Variants in PRCD observed in about 807,000 individuals in gnomAD.
The protein encoded by PRCD is photoreceptor disc component, also known as photoreceptor disk component PRCD.
PRCD carries 12 observed loss-of-function variants against 10.1 expected under a neutral mutation model. The ratio of observed to expected loss-of-function variants is 1.18; its 90% CI spans 0.76 to 1.92. The LOEUF (loss-of-function observed/expected upper bound fraction) is 1.92. Among genes scored for constraint, PRCD ranks in the 40% most tolerant of loss-of-function variants. The pLI, the probability that PRCD is intolerant of heterozygous loss-of-function variation, is 0.00. For missense variants in PRCD, 61 were observed against 72.2 expected (o/e 0.84, Z 0.56); for synonymous variants, 31 against 26.2 (o/e 1.18, Z -0.56).
chr17:76,534,755 C>T (rs1010741009), intron 1 of PRCD, among the ~76,000 whole-genome samples: 2 of 152,190 alleles, frequency 1.3e-5, no homozygotes, highest in African/African-American at 2.4e-5. Flanking sequence ...GCCAGGGGAT[C>T]GTGGCCTGGT....
chr17:76,550,657 T>C (rs930487143), intron 1 of PRCD: 1 of 152,232 alleles, frequency 6.6e-6, no homozygotes, highest in African/African-American at 2.4e-5. Flanking sequence ...GAACCATACA[T>C]TGTAAATGGT....
At chr17:76,541,340 CAA>C (rs1567911672) in intron 2 of PRCD, among the ~76,000 whole-genome samples, 2 of 152,242 alleles carry the variant, frequency 1.3e-5, no homozygotes, top group East Asian at 3.9e-4. Flanking sequence ...CCCAGTGAAA[CAA>C]AGAGTAAAAA....
downstream of PRCD, chr17:76,546,459 T>TGA: frequency 6.6e-6 from 1 of 150,562 alleles, no homozygotes; most frequent in African/African-American, 2.5e-5. This position sits in a 1 kb window ranked among gnomAD's most constrained non-coding sequence, Gnocchi z 4.5. Context: ...TTTGTGTGTG[T>TGA]GTGTGTGTGT....
At chr17:76,534,384 G>A (rs923791680) in intron 1 of PRCD, among the ~76,000 whole-genome samples, 1 of 152,138 alleles carries the variant, frequency 6.6e-6, no homozygotes, top group African/African-American at 2.4e-5. Context: ...TCGCCATGCT[G>A]GCCAGGCTGG....
At chr17:76,532,605 C>T (rs1054394051) in intron 1 of PRCD, among the ~76,000 whole-genome samples, 24 of 148,472 alleles carry the variant, frequency 1.6e-4, no homozygotes, top group Non-Finnish European at 1.2e-4. Context: ...AATCTTGGCT[C>T]GCTGCAACCT....
downstream of PRCD, chr17:76,546,878 A>T (rs1483148768): frequency 6.6e-6 from 1 of 152,224 alleles, no homozygotes; most frequent in African/African-American, 2.4e-5. This position sits in a 1 kb window ranked among gnomAD's most constrained non-coding sequence, Gnocchi z 4.5. Flanking sequence ...AGGTTCACAG[A>T]ACTTGCTCAA....
At chr17:76,529,452 G>T in intron 1 of PRCD, 1 of 985,466 alleles carries the variant, frequency 1.0e-6, no homozygotes, top group South Asian at 4.7e-5. Flanking sequence ...GGGCAGGGTG[G>T]GGAGGGCAGG....
Position 76,528,461 on chromosome 17 carries a change from T to A in PRCD, n.45+628T>A, listed in dbSNP as rs902444184. 2 of 995,146 alleles carry A rather than the reference T, an allele frequency of 2.0e-6. No individual in the cohort carries two copies. Among genetic ancestry groups the A allele is most frequent in the Admixed American group, 4.3e-5 (1 of 23,344 alleles). The allele number at this position is 995,146 out of a possible 1,614,324, so 61.6% of individuals were successfully genotyped here. A position where few individuals can be genotyped will look rare whatever the true frequency, so the allele number is the denominator to read the frequency against. On this transcript the variant is annotated intron_variant and non_coding_transcript_variant, in intron 1 of 4. Transcript: ENST00000397633. This position sits in a 1 kb window ranked among gnomAD's most constrained non-coding sequence, Gnocchi z 5.8. ...GCCACAGAGGCCTCCTTCGGGGAAG[T>A]TGAGTCAGGGATTCCTCCAGCTTCC...
rs1221931456 is a variant in PRCD, at chr17:76,540,653, G to A, written c.143+80G>A. The A allele has an allele frequency of 1.4e-6, 2 of 1,404,886 alleles. No homozygotes were observed. The highest frequency in any genetic ancestry group is 3.5e-5 in the Admixed American group (2 of 56,840). The allele number at this position is 1,404,886 out of a possible 1,614,324, so 87.0% of individuals were successfully genotyped here. A position where few individuals can be genotyped will look rare whatever the true frequency, so the allele number is the denominator to read the frequency against. On this transcript the variant is annotated intron_variant, in intron 2 of 4. Coordinates refer to ENST00000592014, the MANE Select transcript of PRCD (RefSeq NM_001077620.3). This position sits in a 1 kb window ranked among gnomAD's most constrained non-coding sequence, Gnocchi z 5.0. Reference sequence around the variant, plus strand: ...TGTGCATGCCTGGGGGTGCACGTGTGTGCCTGTGCGCGCCTGTGCGTGCAC... The same window carrying A: ...TGTGCATGCCTGGGGGTGCACGTGTATGCCTGTGCGCGCCTGTGCGTGCAC...
chr17:76,541,311 G>A (rs529554847), intron 2 of PRCD, among the ~76,000 whole-genome samples: 1 of 152,326 alleles, frequency 6.6e-6, no homozygotes, highest in African/African-American at 2.4e-5. Flanking sequence ...AGACCTGTCT[G>A]AAGAGTGACT....
At position 76,528,784 on chromosome 17, in the gene PRCD, C is replaced by T. The variant is rs549032633; in HGVS notation, n.45+951C>T. On this transcript the variant is annotated intron_variant and non_coding_transcript_variant, in intron 1 of 4. Coordinates refer to the PRCD transcript ENST00000397633. The surrounding 1 kb of genome is among the most constrained non-coding windows in gnomAD (Gnocchi z 5.8). The stretch of plus-strand genomic sequence containing the variant: ...GTTCTAGTCTCCGTCCTGCTACGAA[C>T]GTGCTGTGTGATCTCAGGCAAGTCT... 14 of 1,016,450 alleles carry T rather than the reference C, an allele frequency of 1.4e-5. No homozygotes were observed. The Admixed American group carries it at 1.7e-4, about 12-fold the overall frequency. The allele number at this position is 1,016,450 out of a possible 1,614,324, so 63.0% of individuals were successfully genotyped here. A position where few individuals can be genotyped will look rare whatever the true frequency, so the allele number is the denominator to read the frequency against.
In PRCD at chr17:76,544,651, G is replaced by A; in HGVS notation, c.*1001G>A. On this transcript the variant is annotated 3_prime_UTR_variant, in exon 5 of 5. Coordinates refer to ENST00000592014, the MANE Select transcript of PRCD (RefSeq NM_001077620.3). ...CTCCTGTCAGCCTGTCTCTCTCTTTGGAGGCATCGGCCTTCCTGGTGACAG... is the reference window on the plus strand; with the variant it reads ...CTCCTGTCAGCCTGTCTCTCTCTTTAGAGGCATCGGCCTTCCTGGTGACAG... 2.2e-6 allele frequency: 1 copy of A among 456,782 alleles called. No homozygotes were observed. The highest frequency in any genetic ancestry group is 4.4e-6 in the Non-Finnish European group (1 of 226,980). The allele number at this position is 456,782 out of a possible 1,614,324, so 28.3% of individuals were successfully genotyped here.
chr17:76,527,635 C>G (rs1431675041), upstream of PRCD: 2 of 453,690 alleles, frequency 4.4e-6, no homozygotes, highest in Non-Finnish European at 8.8e-6. Context: ...GGGGAAAGCC[C>G]TCGGCCCTCG....
Position 76,540,377 on chromosome 17 carries a change from G to A in PRCD, c.75-128G>A. Reference sequence around the variant, plus strand: ...AGAGAGCACAGTCTCAGAGCAGGGGGACTTAGAGCTTCAAAGGCTCTAGTT... The same window carrying A: ...AGAGAGCACAGTCTCAGAGCAGGGGAACTTAGAGCTTCAAAGGCTCTAGTT... On this transcript the variant is annotated intron_variant, in intron 1 of 4. Transcript: ENST00000592014. This position sits in a 1 kb window ranked among gnomAD's most constrained non-coding sequence, Gnocchi z 5.0. 1.5e-6 allele frequency: 2 copies of A among 1,292,932 alleles called. No homozygotes were observed. The highest frequency in any genetic ancestry group is 2.2e-6 in the Non-Finnish European group (2 of 895,048). The allele number at this position is 1,292,932 out of a possible 1,614,324, so 80.1% of individuals were successfully genotyped here. A position where few individuals can be genotyped will look rare whatever the true frequency, so the allele number is the denominator to read the frequency against.
chr17:76,553,357 GT>G (rs1222011781), exon 2 of PRCD: 1 of 152,320 alleles, frequency 6.6e-6, no homozygotes, highest in Non-Finnish European at 1.5e-5. Flanking sequence ...GGAGGGGCTT[GT>G]CCCGCTGAAG....
At chr17:76,548,021 TAC>T (rs1006860390), downstream of PRCD, among the ~76,000 whole-genome samples, 11 of 151,042 alleles carry the variant, frequency 7.3e-5, no homozygotes, top group South Asian at 2.1e-4. Flanking sequence ...TACACATGCA[TAC>T]ACAGACATAC....
At position 76,532,004 on chromosome 17, in the gene PRCD, T is replaced by G. The variant is rs1487790929; in HGVS notation, n.45+4171T>G. On this transcript the variant is annotated intron_variant and non_coding_transcript_variant, in intron 1 of 4. Coordinates refer to the PRCD transcript ENST00000397633. ...ACACCCCCTTCAAGCCCTGCTCTAG[T>G]CATAGCCGAGAGGGTAAGAACTCAG... is the stretch of plus-strand genomic sequence containing the variant. 3 of 266,892 alleles carry G rather than the reference T, an allele frequency of 1.1e-5. No individual in the cohort carries two copies. In the Admixed American group the frequency reaches 1.4e-4, roughly 13 times the overall value. The allele number at this position is 266,892 out of a possible 1,614,324, so 16.5% of individuals were successfully genotyped here.
At chr17:76,534,489 T>G (rs1170394512) in intron 1 of PRCD, among the ~76,000 whole-genome samples, 1 of 152,236 alleles carries the variant, frequency 6.6e-6, no homozygotes, top group Non-Finnish European at 1.5e-5. Context: ...TGTTATTGTA[T>G]TTAATTGCCA....
chr17:76,547,172 G>A (rs890227970), downstream of PRCD: 2 of 152,308 alleles, frequency 1.3e-5, no homozygotes, highest in African/African-American at 4.8e-5. Flanking sequence ...TGCCAGGTGA[G>A]GGGGAGAGGA....
Sources: allele counts gnomAD v4.1 joint callset (sites outside exome capture counted in the v4.1 genomes callset), GRCh38; gene constraint gnomAD v4.1.1; non-coding constraint Gnocchi (gnomAD v3.1); transcripts MANE v1.5; gene names NCBI Gene and HGNC (gene_info 2026-07-23, HGNC 2026-07-21).